The following MANEA variants were observed in gnomAD, a reference collection of about 807,000 sequenced individuals.
The protein encoded by MANEA is glycoprotein endo-alpha-1,2-mannosidase.
Under a neutral mutation model 36.8 loss-of-function variants are expected in MANEA, and 25 were observed. The observed-to-expected ratio is 0.68, with a 90% CI of 0.50 to 0.95. The LOEUF (loss-of-function observed/expected upper bound fraction) is 0.95. Among genes scored for constraint, MANEA ranks in the 40% least tolerant of loss-of-function variants. The pLI is 0.00. For missense variants in MANEA, 565 were observed against 558.8 expected (o/e 1.01, Z -0.11); for synonymous variants, 198 against 188.5 (o/e 1.05, Z -0.41).
At chr6:95,594,122 A>G (rs935797322) in intron 2 of MANEA, among the ~76,000 whole-genome samples, 4 of 152,054 alleles carry the variant, frequency 2.6e-5, no homozygotes. Flanking sequence ...GGAGAGGGGT[A>G]TGGTTGAAGA....
intron 2 of MANEA, chr6:95,590,228 A>T (rs1478468063): frequency 6.6e-6 from 1 of 152,218 alleles, no homozygotes; most frequent in East Asian, 1.9e-4. Flanking sequence ...TGTTATGGCA[A>T]AATAGAGAAC....
intron 2 of MANEA, among the ~76,000 whole-genome samples, chr6:95,590,740 A>G (rs1369884873): frequency 6.6e-6 from 1 of 152,228 alleles, no homozygotes; most frequent in Non-Finnish European, 1.5e-5. Context: ...ATTTGAAAGT[A>G]TTCATTGCAA....
intron 4 of MANEA, among the ~76,000 whole-genome samples, chr6:95,605,486 G>T (rs1421420135): frequency 6.6e-6 from 1 of 152,080 alleles, no homozygotes; most frequent in Non-Finnish European, 1.5e-5. Context: ...AGAGACATAG[G>T]CTTTTTATGG....
In MANEA at chr6:95,596,736, G is replaced by A; in HGVS notation, c.545-1G>A. 6.5e-7 allele frequency: 1 copy of A among 1,533,122 alleles called. No homozygotes were observed. Among genetic ancestry groups the A allele is most frequent in the South Asian group, 1.1e-5 (1 of 88,482 alleles). 95.0% of individuals were successfully genotyped at this position (1,533,122 alleles called of 1,614,324 possible). A position where few individuals can be genotyped will look rare whatever the true frequency, so the allele number is the denominator to read the frequency against. On this transcript the variant is annotated splice_acceptor_variant, in intron 2 of 4. Transcript: ENST00000358812. LOFTEE classifies it high-confidence loss of function. ...CCTTTCTTTTTGGTCTTTTCTATTAGGTGTACTAGCCCTCTCTTGGTACCC... is the reference window on the plus strand; with the variant it reads ...CCTTTCTTTTTGGTCTTTTCTATTAAGTGTACTAGCCCTCTCTTGGTACCC...
Position 95,586,993 on chromosome 6 carries a change from G to GTATATA in MANEA, c.544+18_544+23dup, listed in dbSNP as rs113485216. On this transcript the variant is annotated intron_variant, in intron 2 of 4. Transcript: ENST00000358812. Reference sequence around the variant, plus strand: ...CGCTCAGCTTCAATTGGTAATTATTGTATATATATATATGTGTGTTTGTGT... The same window carrying GTATATA: ...CGCTCAGCTTCAATTGGTAATTATTGTATATATATATATATATATGTGTGTTTGTGT... 5.9e-4 allele frequency: 774 copies of GTATATA among 1,301,440 alleles called. 1 individual carries two copies. Among genetic ancestry groups the GTATATA allele is most frequent in the African/African-American group, 5.2e-3 (311 of 59,820 alleles). The allele number at this position is 1,301,440 out of a possible 1,614,324, so 80.6% of individuals were successfully genotyped here.
chr6:95,596,195 C>T (rs539905256), intron 2 of MANEA, among the ~76,000 whole-genome samples: 3 of 151,922 alleles, frequency 2.0e-5, no homozygotes, highest in Non-Finnish European at 2.9e-5. Flanking sequence ...GGAGAGGGAA[C>T]GGGGATGAAT....
At chr6:95,585,372 C>A (rs1231946740) in intron 1 of MANEA, among the ~76,000 whole-genome samples, 2 of 152,178 alleles carry the variant, frequency 1.3e-5, no homozygotes, top group Admixed American at 6.5e-5. Context: ...TGCAGTGGCA[C>A]AATCATGGCT....
At chr6:95,596,692 T>C in intron 2 of MANEA, 45 bp from the exon 3 acceptor site, 1 of 1,011,508 alleles carries the variant, frequency 9.9e-7, no homozygotes, top group Non-Finnish European at 1.6e-6. Context: ...AATATCTGCA[T>C]TCATGTTCTT....
chr6:95,599,588 T>C (rs1165111176), intron 3 of MANEA, among the ~76,000 whole-genome samples: 4 of 152,230 alleles, frequency 2.6e-5, no homozygotes, highest in Non-Finnish European at 5.9e-5. Flanking sequence ...CTGTAAGATA[T>C]GTTATGGACC....
chr6:95,579,074 T>TA (rs1209439032), intron 1 of MANEA, among the ~76,000 whole-genome samples: 2 of 151,964 alleles, frequency 1.3e-5, no homozygotes, highest in Non-Finnish European at 2.9e-5. Context: ...AAAATGAGGT[T>TA]AAAAAAAATT....
intron 1 of MANEA, among the ~76,000 whole-genome samples, chr6:95,578,098 C>G (rs1001854993): frequency 3.3e-5 from 5 of 152,134 alleles, no homozygotes; most frequent in African/African-American, 4.8e-5. Flanking sequence ...GCCTGCTGGG[C>G]TCTGGGTGCA....
In MANEA at chr6:95,586,833, GA is replaced by G. The variant is rs1769292449; in HGVS notation, c.395del (p.Asp132AlafsTer4). The part of the protein sequence containing the change: ...HWNHPVLEHW[D>X]PRIAKNYPQG... ...GAATCATCCAGTGTTAGAGCATTGG[GA>G]CCCTAGAATAGCCAAGAATTATCCA... On this transcript the variant is annotated frameshift_variant, in exon 2 of 5. Transcript: ENST00000358812. LOFTEE classifies it high-confidence loss of function. The G allele has an allele frequency of 6.2e-7, 1 of 1,613,808 alleles. No homozygotes were observed. The highest frequency in any genetic ancestry group is 8.5e-7 in the Non-Finnish European group (1 of 1,179,900).
intron 2 of MANEA, among the ~76,000 whole-genome samples, chr6:95,590,842 T>C (rs1769374989): frequency 6.6e-6 from 1 of 152,208 alleles, no homozygotes; most frequent in African/African-American, 2.4e-5. Flanking sequence ...CATAGTTTGC[T>C]ATTGTCGTAA....
chr6:95,585,445 G>A (rs1213461044), intron 1 of MANEA, among the ~76,000 whole-genome samples: 1 of 152,092 alleles, frequency 6.6e-6, no homozygotes, highest in Non-Finnish European at 1.5e-5. Context: ...GAGTAGCTGG[G>A]GAACTACAGG....
intron 1 of MANEA, among the ~76,000 whole-genome samples, chr6:95,585,149 T>C (rs1460021340): frequency 6.6e-6 from 1 of 151,934 alleles, no homozygotes; most frequent in Non-Finnish European, 1.5e-5. Context: ...TATATATATA[T>C]ATACACACAC....
chr6:95,597,126 G>A (rs1325613611), intron 3 of MANEA, among the ~76,000 whole-genome samples: 2 of 151,918 alleles, frequency 1.3e-5, no homozygotes, highest in South Asian at 2.1e-4. Context: ...AGATTTATAT[G>A]TCTAAATATC....
chr6:95,579,236 C>T (rs892629669), intron 1 of MANEA, among the ~76,000 whole-genome samples: 1 of 151,996 alleles, frequency 6.6e-6, no homozygotes, highest in Non-Finnish European at 1.5e-5. Flanking sequence ...AGCTGGGCGT[C>T]GTAGCGTGCG....
chr6:95,581,720 C>T (rs991996431), intron 1 of MANEA, among the ~76,000 whole-genome samples: 3 of 152,150 alleles, frequency 2.0e-5, no homozygotes, highest in Admixed American at 6.5e-5. Context: ...ATATCTTGAT[C>T]TTTCATGAAT....
intron 1 of MANEA, among the ~76,000 whole-genome samples, chr6:95,585,557 T>C (rs9400875): frequency 0.6 from 90,802 of 152,088 alleles, 27,533 homozygotes; most frequent in East Asian, 0.87. Flanking sequence ...TCAAGTGATC[T>C]TCCTGCCTCA....
Sources: gnomAD v4.1 joint callset for allele counts (sites outside exome capture counted in the v4.1 genomes callset) on GRCh38, gnomAD v4.1.1 for gene constraint, MANE v1.5 for transcripts, NCBI Gene and HGNC (gene_info 2026-07-23, HGNC 2026-07-21) for gene names.